ADGRB3: variants seen among roughly 807,000 people sequenced by gnomAD.
ADGRB3 encodes the protein adhesion G protein-coupled receptor B3.
Under a neutral mutation model 193.4 loss-of-function variants are expected in ADGRB3, and 37 were observed. That is an observed-to-expected ratio of 0.19 (90% CI 0.15 to 0.25). The LOEUF (loss-of-function observed/expected upper bound fraction) is 0.25, where lower values mean the gene tolerates loss of function less well. Among genes scored for constraint, ADGRB3 ranks in the 10% least tolerant of loss-of-function variants. The pLI is 1.00. For missense variants in ADGRB3, 1,637 were observed against 1,852.9 expected (o/e 0.88, Z 2.14); for synonymous variants, 690 against 644.2 (o/e 1.07, Z -1.08).
At chr6:68,669,856 A>G (rs953632087) in intron 3 of ADGRB3, among the ~76,000 whole-genome samples, 6 of 152,072 alleles carry the variant, frequency 3.9e-5, no homozygotes, top group Admixed American at 2.0e-4. Context: ...ACTGTTGTCC[A>G]TAGTGGTTTT....
At chr6:69,024,893 C>A (rs925340538) in intron 13 of ADGRB3, among the ~76,000 whole-genome samples, 2 of 151,992 alleles carry the variant, frequency 1.3e-5, no homozygotes, top group Admixed American at 1.3e-4. Context: ...GAGATCGAGA[C>A]CATCCTGGCT....
At chr6:69,108,991 G>A (rs1773293975) in intron 17 of ADGRB3, among the ~76,000 whole-genome samples, 1 of 152,148 alleles carries the variant, frequency 6.6e-6, no homozygotes, top group South Asian at 2.1e-4. Context: ...ACACAAGGCT[G>A]CACCAACACC....
At chr6:68,999,510 C>T (rs927717837) in intron 11 of ADGRB3, among the ~76,000 whole-genome samples, 11 of 152,234 alleles carry the variant, frequency 7.2e-5, no homozygotes, top group South Asian at 2.1e-4. Context: ...GTGATCTGCC[C>T]GCCTCAACCT....
At chr6:68,955,937 C>T in intron 6 of ADGRB3, 87 bp from the exon 7 acceptor site, 1 of 1,397,596 alleles carries the variant, frequency 7.2e-7, no homozygotes, top group Non-Finnish European at 9.7e-7. Flanking sequence ...TGGGGTTCAT[C>T]TTCAAGGGTG....
intron 3 of ADGRB3, among the ~76,000 whole-genome samples, chr6:68,731,844 GT>G (rs1765782117): frequency 6.6e-6 from 1 of 151,654 alleles, no homozygotes; most frequent in Admixed American, 6.6e-5. Flanking sequence ...ATGTATAATT[GT>G]TTTGTAAAGT....
chr6:68,729,474 A>G (rs974725568), intron 3 of ADGRB3, among the ~76,000 whole-genome samples: 1 of 151,660 alleles, frequency 6.6e-6, no homozygotes, highest in African/African-American at 2.4e-5. Context: ...CTGTAAAGTC[A>G]GAGCATGACG....
At chr6:69,090,402 G>A (rs1198401723) in intron 17 of ADGRB3, among the ~76,000 whole-genome samples, 1 of 152,170 alleles carries the variant, frequency 6.6e-6, no homozygotes, top group Non-Finnish European at 1.5e-5. Flanking sequence ...GGCTGAAAGT[G>A]CACTATGGCC....
At chr6:69,171,416 C>T (rs1775268648) in intron 17 of ADGRB3, among the ~76,000 whole-genome samples, 1 of 152,198 alleles carries the variant, frequency 6.6e-6, no homozygotes, top group Non-Finnish European at 1.5e-5. Flanking sequence ...GGCCAACTTC[C>T]ATACCCTTGT....
chr6:69,120,300 T>C (rs1022171124), intron 17 of ADGRB3, among the ~76,000 whole-genome samples: 5 of 152,220 alleles, frequency 3.3e-5, no homozygotes, highest in African/African-American at 9.6e-5. Flanking sequence ...AATGCATACT[T>C]TGGGTCCCAT....
At chr6:69,199,169 T>C (rs531610566) in intron 17 of ADGRB3, among the ~76,000 whole-genome samples, 1 of 152,132 alleles carries the variant, frequency 6.6e-6, no homozygotes, top group Non-Finnish European at 1.5e-5. Flanking sequence ...TCACTTTTCT[T>C]TTTCATTGCT....
intron 11 of ADGRB3, among the ~76,000 whole-genome samples, chr6:69,008,851 G>T (rs1769849338): frequency 6.6e-6 from 1 of 152,020 alleles, no homozygotes; most frequent in Admixed American, 6.6e-5. Context: ...AATAAGAAGA[G>T]TTCGATCCCA....
chr6:69,011,273 C>T (rs967948904), intron 11 of ADGRB3, among the ~76,000 whole-genome samples: 6 of 151,756 alleles, frequency 4.0e-5, no homozygotes, highest in East Asian at 3.9e-4. Context: ...GGCACATGTA[C>T]GCTATGGAAT....
At chr6:68,837,466 T>C (rs980113497) in intron 3 of ADGRB3, among the ~76,000 whole-genome samples, 2 of 152,196 alleles carry the variant, frequency 1.3e-5, no homozygotes, top group Non-Finnish European at 2.9e-5. Context: ...ATAGATAATA[T>C]GGAAAAATTC....
chr6:69,134,854 A>G (rs950887390), intron 17 of ADGRB3, among the ~76,000 whole-genome samples: 12 of 152,066 alleles, frequency 7.9e-5, no homozygotes, highest in Non-Finnish European at 1.8e-4. Context: ...CTAGATGGCT[A>G]TGTTTCAAAA....
intron 11 of ADGRB3, among the ~76,000 whole-genome samples, chr6:69,012,897 T>C (rs1188769953): frequency 6.6e-6 from 1 of 152,072 alleles, no homozygotes; most frequent in East Asian, 1.9e-4. Context: ...TTATGATTAT[T>C]TCTGCCCTCA....
At chr6:69,185,688 G>A (rs1237612250) in intron 17 of ADGRB3, among the ~76,000 whole-genome samples, 1 of 152,084 alleles carries the variant, frequency 6.6e-6, no homozygotes, top group African/African-American at 2.4e-5. Context: ...TGTAATTGAA[G>A]AAAATAAAAT....
chr6:69,144,887 C>CTTTCTTTA (rs1443575139), intron 17 of ADGRB3, among the ~76,000 whole-genome samples: 7 of 149,720 alleles, frequency 4.7e-5, no homozygotes, highest in African/African-American at 1.5e-4. Flanking sequence ...TTCTTTCTTT[C>CTTTCTTTA]TTTCTTTCTT....
At chr6:68,805,602 A>G (rs543218678) in intron 3 of ADGRB3, among the ~76,000 whole-genome samples, 3 of 152,272 alleles carry the variant, frequency 2.0e-5, no homozygotes, top group South Asian at 2.1e-4. Flanking sequence ...GAAAGATCCA[A>G]TATCTACAGC....
chr6:69,304,470 A>G (rs149793472), intron 20 of ADGRB3, among the ~76,000 whole-genome samples: 2 of 151,754 alleles, frequency 1.3e-5, no homozygotes, highest in African/African-American at 4.8e-5. Context: ...TAAAATTAGA[A>G]TCCTAATTAA....
Sources: allele counts gnomAD v4.1 joint callset (sites outside exome capture counted in the v4.1 genomes callset), GRCh38; gene constraint gnomAD v4.1.1; transcripts MANE v1.5; gene names NCBI Gene and HGNC (gene_info 2026-07-23, HGNC 2026-07-21).